ILDR2: variants seen among roughly 807,000 people sequenced by gnomAD.
ILDR2 encodes immunoglobulin-like domain-containing receptor 2.
Under a neutral mutation model 66.8 loss-of-function variants are expected in ILDR2, and 25 were observed. The observed-to-expected ratio is 0.37, with a 90% CI of 0.27 to 0.52. The LOEUF is 0.52. Ranked by LOEUF, ILDR2 falls within the 20% of genes least tolerant of loss-of-function variation. The pLI is 0.88. For missense variants in ILDR2, 827 were observed against 876.8 expected (o/e 0.94, Z 0.72); for synonymous variants, 367 against 357.2 (o/e 1.03, Z -0.31).
chr1:166,947,159 A>G (rs779135113), intron 3 of ILDR2, among the ~76,000 whole-genome samples: 3 of 152,248 alleles, frequency 2.0e-5, no homozygotes, highest in Non-Finnish European at 2.9e-5. Flanking sequence ...GGTGAAATGC[A>G]GAAGACTGCT....
downstream of ILDR2, among the ~76,000 whole-genome samples, chr1:166,904,744 G>C (rs1659313171): frequency 6.6e-6 from 1 of 152,172 alleles, no homozygotes; most frequent in Non-Finnish European, 1.5e-5. Context: ...AATTCTGTTG[G>C]AGTAGAGGGT....
At chr1:166,947,097 G>A (rs1188373652) in intron 3 of ILDR2, among the ~76,000 whole-genome samples, 1 of 152,198 alleles carries the variant, frequency 6.6e-6, no homozygotes, top group Admixed American at 6.5e-5. Flanking sequence ...CCCCCAGAGA[G>A]CGAATAAATA....
At chr1:166,956,033 C>T (rs1389948212) in intron 3 of ILDR2, among the ~76,000 whole-genome samples, 4 of 152,178 alleles carry the variant, frequency 2.6e-5, no homozygotes, top group Admixed American at 6.5e-5. Context: ...TTTTCAGTTT[C>T]ATACAGAGGT....
intron 6 of ILDR2, among the ~76,000 whole-genome samples, chr1:166,932,576 G>A (rs1660700135): frequency 6.6e-6 from 1 of 152,192 alleles, no homozygotes; most frequent in African/African-American, 2.4e-5. Flanking sequence ...CCTTGACAAA[G>A]CTTAAAGGGA....
intron 3 of ILDR2, among the ~76,000 whole-genome samples, chr1:166,956,004 G>A (rs1410576261): frequency 6.6e-6 from 1 of 152,126 alleles, no homozygotes; most frequent in Non-Finnish European, 1.5e-5. Flanking sequence ...CATTAATAGA[G>A]CACAAAATAT....
chr1:166,900,160 C>T (rs1388920820), intron 2 of ILDR2, among the ~76,000 whole-genome samples: 3 of 152,024 alleles, frequency 2.0e-5, no homozygotes, highest in South Asian at 2.1e-4. Flanking sequence ...TGGCAGCCTC[C>T]TTCTCTCTAT....
In ILDR2 at chr1:166,920,956, ACCGCGGCTGGCG is replaced by A; in HGVS notation, c.1623_1634del (p.Ala542_Gly545del). 1 of 1,483,960 alleles carries A rather than the reference ACCGCGGCTGGCG, an allele frequency of 6.7e-7. No homozygotes were observed. The highest frequency in any genetic ancestry group is 1.3e-5 in the South Asian group (1 of 77,072). 91.9% of individuals were successfully genotyped at this position (1,483,960 alleles called of 1,614,324 possible). On this transcript the variant is annotated inframe_deletion, in exon 9 of 10. Coordinates refer to ENST00000271417, the MANE Select transcript of ILDR2 (RefSeq NM_199351.3). ...GCTTGGATGGCGTCTCCAGGCTGCC[ACCGCGGCTGGCG>A]CCCTCGGGCCGCGCCTGGCGCTCCC...
At chr1:166,953,774 C>T (rs570487268) in intron 3 of ILDR2, among the ~76,000 whole-genome samples, 14 of 152,326 alleles carry the variant, frequency 9.2e-5, no homozygotes, top group Admixed American at 7.8e-4. Flanking sequence ...TCATGTTCAT[C>T]TACTTTTTAA....
At chr1:166,937,325 ACCAGTTCTGAGAT>A (rs1213676262) in intron 4 of ILDR2, among the ~76,000 whole-genome samples, 2 of 152,178 alleles carry the variant, frequency 1.3e-5, no homozygotes, top group Admixed American at 1.3e-4. Flanking sequence ...TGTACTCAGC[ACCAGTTCTGAGAT>A]CCAAACTCTT....
intron 3 of ILDR2, among the ~76,000 whole-genome samples, chr1:166,952,918 A>G (rs1246338022): frequency 6.6e-6 from 1 of 152,180 alleles, no homozygotes; most frequent in Non-Finnish European, 1.5e-5. Context: ...CACAGACATC[A>G]CTTTTTTCAT....
At chr1:166,906,427 G>T (rs1236889945), downstream of ILDR2, among the ~76,000 whole-genome samples, 10 of 152,152 alleles carry the variant, frequency 6.6e-5, no homozygotes, top group Admixed American at 6.5e-4. Flanking sequence ...TAAAATGTAT[G>T]TAAGAAAGTG....
rs1198209477 is a variant in ILDR2, at chr1:166,909,963, T to G, written c.*9392A>C. ...TGTTTTAAAAAAAAGTAAAGTGTTTTAACATGTCTGGAATTTTCTCCTCTG... is the reference window on the plus strand; with the variant it reads ...TGTTTTAAAAAAAAGTAAAGTGTTTGAACATGTCTGGAATTTTCTCCTCTG... On this transcript the variant is annotated 3_prime_UTR_variant, in exon 10 of 10. Coordinates refer to ENST00000271417, the MANE Select transcript of ILDR2 (RefSeq NM_199351.3). The G allele has an allele frequency of 2.0e-5, 3 of 151,544 alleles. No homozygotes were observed. Among genetic ancestry groups the G allele is most frequent in the Non-Finnish European group, 4.4e-5 (3 of 67,924 alleles). 9.4% of individuals were successfully genotyped at this position (151,544 alleles called of 1,614,324 possible).
intron 7 of ILDR2, among the ~76,000 whole-genome samples, chr1:166,925,356 T>C (rs1434313976): frequency 6.6e-6 from 1 of 152,244 alleles, no homozygotes. Context: ...TATGCAGTTG[T>C]TATAATATTA....
chr1:166,921,062 A>AGGTGCGCGTCCTCGGCG lies in ILDR2; in HGVS notation c.1512_1528dup (p.Leu510ProfsTer11). 6.7e-7 allele frequency: 1 copy of AGGTGCGCGTCCTCGGCG among 1,492,746 alleles called. No individual in the cohort carries two copies. Among genetic ancestry groups the AGGTGCGCGTCCTCGGCG allele is most frequent in the Non-Finnish European group, 8.8e-7 (1 of 1,131,486 alleles). The allele number at this position is 1,492,746 out of a possible 1,614,324, so 92.5% of individuals were successfully genotyped here. A position where few individuals can be genotyped will look rare whatever the true frequency, so the allele number is the denominator to read the frequency against. On this transcript the variant is annotated frameshift_variant, in exon 9 of 10. Transcript: ENST00000271417. LOFTEE classifies it high-confidence loss of function. The surrounding 1 kb of genome is among the most constrained non-coding windows in gnomAD (Gnocchi z 5.3). ...TGGCGTGCGGCTCACCAGCCGCGGC[A>AGGTGCGCGTCCTCGGCG]GGTGCGCGTCCTCGGCGGGTCTGCG... is the stretch of plus-strand genomic sequence containing the variant.
In ILDR2 at chr1:166,910,072, C is replaced by T. The variant is rs1659443588; in HGVS notation, c.*9283G>A. ...GTACAGCTGAAGACTAGGGAATGGA[C>T]TATTTAGGTCCTTTGGTTGTACAGT... On this transcript the variant is annotated 3_prime_UTR_variant, in exon 10 of 10. Transcript: ENST00000271417. 1 of 151,904 alleles carries T rather than the reference C, an allele frequency of 6.6e-6. No individual in the cohort carries two copies. Among genetic ancestry groups the T allele is most frequent in the African/African-American group, 2.4e-5 (1 of 41,338 alleles). 9.4% of individuals were successfully genotyped at this position (151,904 alleles called of 1,614,324 possible).
At chr1:166,933,807 G>A (rs1557938585) in intron 6 of ILDR2, among the ~76,000 whole-genome samples, 1 of 152,164 alleles carries the variant, frequency 6.6e-6, no homozygotes, top group Non-Finnish European at 1.5e-5. Flanking sequence ...CTAATTATCT[G>A]TGTGTCACTG....
At chr1:166,957,735 C>G (rs780965335) in intron 2 of ILDR2, 34 bp downstream of exon 2, 22 of 1,550,648 alleles carry the variant, frequency 1.4e-5, no homozygotes, top group Non-Finnish European at 1.9e-5. Context: ...AACCTCCCTC[C>G]CATTTCCTAG....
At chr1:166,967,900 T>C (rs1663056103) in intron 1 of ILDR2, among the ~76,000 whole-genome samples, 1 of 152,194 alleles carries the variant, frequency 6.6e-6, no homozygotes. Context: ...GTCAGTCCTA[T>C]GTGCTCCACC....
At chr1:166,929,787 C>T (rs1296684015) in intron 6 of ILDR2, among the ~76,000 whole-genome samples, 1 of 152,074 alleles carries the variant, frequency 6.6e-6, no homozygotes, top group African/African-American at 2.4e-5. Context: ...TAAGAGACTA[C>T]AACATATAGC....
Sources: gnomAD v4.1 joint callset for allele counts (sites outside exome capture counted in the v4.1 genomes callset) on GRCh38, gnomAD v4.1.1 for gene constraint, Gnocchi (gnomAD v3.1) non-coding constraint, MANE v1.5 for transcripts, NCBI Gene and HGNC (gene_info 2026-07-23, HGNC 2026-07-21) for gene names.